The following KCNIP4 variants were observed in gnomAD, a reference collection of about 807,000 sequenced individuals.
KCNIP4 encodes the protein Kv channel-interacting protein 4.
KCNIP4 carries 12 observed loss-of-function variants against 34.0 expected under a neutral mutation model. The observed-to-expected ratio is 0.35, with a 90% CI of 0.23 to 0.57. KCNIP4 has a LOEUF of 0.57. Ranked by LOEUF, KCNIP4 falls within the 20% of genes least tolerant of loss-of-function variation. The probability of loss-of-function intolerance (pLI) is 0.83; values close to 1 mark genes in which losing one functional copy is unlikely to be tolerated. For missense variants in KCNIP4, 238 were observed against 311.7 expected, an observed-to-expected ratio of 0.76 and a Z score of 1.78; for synonymous variants, 124 against 102.2, an observed-to-expected ratio of 1.21 and a Z score of -1.29.
chr4:21,561,667 T>TA (rs1333345946), intron 1 of KCNIP4, among the ~76,000 whole-genome samples: 1 of 151,792 alleles, frequency 6.6e-6, no homozygotes, highest in African/African-American at 2.4e-5. Flanking sequence ...ACAAAAAAGT[T>TA]AAAAAAAGCT....
chr4:21,278,571 T>G (rs1170896729), intron 1 of KCNIP4, among the ~76,000 whole-genome samples: 1 of 152,104 alleles, frequency 6.6e-6, no homozygotes, highest in Non-Finnish European at 1.5e-5. Context: ...ATATGTAAAA[T>G]AGCAGAGACA....
intron 1 of KCNIP4, among the ~76,000 whole-genome samples, chr4:20,994,154 C>G (rs769013262): frequency 2.0e-5 from 3 of 152,114 alleles, no homozygotes; most frequent in Non-Finnish European, 4.4e-5. Context: ...GTCACATAAC[C>G]CAAAATAACA....
At chr4:20,772,184 C>CT (rs2149380615) in intron 3 of KCNIP4, among the ~76,000 whole-genome samples, 1 of 152,308 alleles carries the variant, frequency 6.6e-6, no homozygotes, top group Non-Finnish European at 1.5e-5. Flanking sequence ...TCTTTCACAT[C>CT]TTCCTAAGCT....
At chr4:21,099,951 G>A (rs1747795987) in intron 1 of KCNIP4, among the ~76,000 whole-genome samples, 1 of 152,088 alleles carries the variant, frequency 6.6e-6, no homozygotes, top group South Asian at 2.1e-4. Flanking sequence ...ATGTTACTGA[G>A]TTTGATCAAT....
chr4:21,832,102 A>G (rs187420846), intron 1 of KCNIP4, among the ~76,000 whole-genome samples: 1 of 152,170 alleles, frequency 6.6e-6, no homozygotes, highest in African/African-American at 2.4e-5. Flanking sequence ...AAATCAATAA[A>G]TGTGATATAC....
chr4:21,879,294 G>A (rs1037859998), intron 1 of KCNIP4, among the ~76,000 whole-genome samples: 1 of 152,154 alleles, frequency 6.6e-6, no homozygotes, highest in African/African-American at 2.4e-5. Flanking sequence ...GAAGCTCAGA[G>A]GTATCATATT....
At chr4:21,167,289 C>A (rs902306181) in intron 1 of KCNIP4, among the ~76,000 whole-genome samples, 1 of 152,058 alleles carries the variant, frequency 6.6e-6, no homozygotes, top group African/African-American at 2.4e-5. Flanking sequence ...AATTATTTTA[C>A]GAGTCTATAC....
chr4:21,321,018 G>T (rs1034680638), intron 1 of KCNIP4, among the ~76,000 whole-genome samples: 2 of 147,252 alleles, frequency 1.4e-5, no homozygotes, highest in Non-Finnish European at 3.0e-5. Flanking sequence ...TAGCTGAAAG[G>T]TCATGAATTG....
chr4:21,241,577 T>G (rs144565845), intron 1 of KCNIP4, among the ~76,000 whole-genome samples: 139 of 152,304 alleles, frequency 9.1e-4, no homozygotes, highest in Admixed American at 6.4e-3. Context: ...CGTGAGGAAC[T>G]GCTGACAAAT....
At chr4:21,267,618 T>C (rs2109123626) in intron 1 of KCNIP4, among the ~76,000 whole-genome samples, 1 of 146,492 alleles carries the variant, frequency 6.8e-6, no homozygotes, top group East Asian at 2.0e-4. Flanking sequence ...ATGTGGTTTT[T>C]GTCTTTGGTT....
chr4:21,441,779 A>G (rs1727506207), intron 1 of KCNIP4, among the ~76,000 whole-genome samples: 1 of 152,210 alleles, frequency 6.6e-6, no homozygotes, highest in Non-Finnish European at 1.5e-5. Context: ...AAAGTCTAGA[A>G]TAAGAAATAT....
intron 1 of KCNIP4, among the ~76,000 whole-genome samples, chr4:20,953,517 A>T (rs938013640): frequency 3.3e-5 from 5 of 152,026 alleles, no homozygotes; most frequent in African/African-American, 1.2e-4. Flanking sequence ...TCCGATCTGT[A>T]CTAAATATAC....
intron 1 of KCNIP4, among the ~76,000 whole-genome samples, chr4:21,806,906 T>A (rs1721330797): frequency 6.6e-6 from 1 of 152,052 alleles, no homozygotes; most frequent in African/African-American, 2.4e-5. Context: ...TCAAGCACAT[T>A]ATATTTATTG....
chr4:21,818,763 A>G (rs757997366), intron 1 of KCNIP4, among the ~76,000 whole-genome samples: 9 of 152,206 alleles, frequency 5.9e-5, no homozygotes, highest in Non-Finnish European at 1.2e-4. Flanking sequence ...GAAACTTTCT[A>G]TCTCATCAGA....
chr4:21,116,040 A>G (rs1749646036), intron 1 of KCNIP4, among the ~76,000 whole-genome samples: 1 of 152,180 alleles, frequency 6.6e-6, no homozygotes, highest in South Asian at 2.1e-4. Flanking sequence ...TTTCCTTTTC[A>G]TTCCTTTTTC....
At chr4:21,394,761 G>T (rs138870295) in intron 1 of KCNIP4, among the ~76,000 whole-genome samples, 2 of 152,132 alleles carry the variant, frequency 1.3e-5, no homozygotes, top group African/African-American at 4.8e-5. Context: ...TACCCACAAT[G>T]TGCTTCCTAG....
chr4:21,842,105 T>C (rs184661204), intron 1 of KCNIP4, among the ~76,000 whole-genome samples: 17 of 152,294 alleles, frequency 1.1e-4, no homozygotes, highest in Middle Eastern at 3.4e-3. Context: ...GGATTTATTA[T>C]TCATCAATAA....
At chr4:21,854,219 CA>C (rs558055556) in intron 1 of KCNIP4, among the ~76,000 whole-genome samples, 17 of 152,270 alleles carry the variant, frequency 1.1e-4, no homozygotes, top group African/African-American at 3.8e-4. Flanking sequence ...AAGGGACAGA[CA>C]TAACTGCTCC....
At chr4:21,897,629 G>T (rs1727472703) in intron 1 of KCNIP4, among the ~76,000 whole-genome samples, 1 of 152,130 alleles carries the variant, frequency 6.6e-6, no homozygotes, top group African/African-American at 2.4e-5. Flanking sequence ...GCTAATAATT[G>T]TAAAAGGGCT....
Sources: allele counts gnomAD v4.1 joint callset (sites outside exome capture counted in the v4.1 genomes callset), GRCh38; gene constraint gnomAD v4.1.1; transcripts MANE v1.5; gene names NCBI Gene and HGNC (gene_info 2026-07-23, HGNC 2026-07-21).